Variants in IP6K1 observed in about 807,000 individuals in gnomAD.
The protein encoded by IP6K1 is ATP:1D-myo-inositol-hexakisphosphate phosphotransferase.
IP6K1 carries 13 observed loss-of-function variants against 38.3 expected under a neutral mutation model. The observed-to-expected ratio is 0.34, with a 90% confidence interval of 0.22 to 0.54. The LOEUF is 0.54. Among genes scored for constraint, IP6K1 ranks in the 20% least tolerant of loss-of-function variants. IP6K1 has a pLI of 0.92. For synonymous variants in IP6K1, 212 were observed against 229.9 expected (o/e 0.92, Z 0.70); for missense variants, 397 against 599.8 (o/e 0.66, Z 3.53).
intron 1 of IP6K1, among the ~76,000 whole-genome samples, chr3:49,752,841 C>A (rs927272654): frequency 9.2e-5 from 14 of 151,616 alleles, no homozygotes; most frequent in African/African-American, 3.4e-4. Flanking sequence ...GCAACCTCCA[C>A]CTCCTGGGTT....
At position 49,726,728 on chromosome 3, in the gene IP6K1, G is replaced by A. The variant is rs1000459649; in HGVS notation, c.*394C>T. 7 of 272,426 alleles carry A rather than the reference G, an allele frequency of 2.6e-5. No homozygotes were observed. The highest frequency in any genetic ancestry group is 5.0e-5 in the Admixed American group (1 of 19,902). The allele number at this position is 272,426 out of a possible 1,614,324, so 16.9% of individuals were successfully genotyped here. A position where few individuals can be genotyped will look rare whatever the true frequency, so the allele number is the denominator to read the frequency against. On this transcript the variant is annotated 3_prime_UTR_variant, in exon 6 of 6. Coordinates refer to ENST00000321599, the MANE Select transcript of IP6K1 (RefSeq NM_153273.4). Reference sequence around the variant, plus strand: ...TCTGGGGAACAAGGGAAGAGTGGGCGTGGAGGGGCCCTGCACCAGCCCAGG... The same window carrying A: ...TCTGGGGAACAAGGGAAGAGTGGGCATGGAGGGGCCCTGCACCAGCCCAGG...
intron 1 of IP6K1, among the ~76,000 whole-genome samples, chr3:49,780,306 T>TCACACACA (rs1405695613): frequency 3.7e-4 from 4 of 10,852 alleles, no homozygotes; most frequent in Admixed American, 1.3e-3. Context: ...TTATCATCTT[T>TCACACACA]CATACACACA....
chr3:49,772,340 A>G (rs1390247342), intron 1 of IP6K1, among the ~76,000 whole-genome samples: 1 of 147,778 alleles, frequency 6.8e-6, no homozygotes, highest in Non-Finnish European at 1.5e-5. Flanking sequence ...TAGGAAGACT[A>G]TATAATATAT....
At chr3:49,766,530 G>C (rs1241276553) in intron 1 of IP6K1, among the ~76,000 whole-genome samples, 8 of 151,726 alleles carry the variant, frequency 5.3e-5, no homozygotes, top group Admixed American at 4.6e-4. Flanking sequence ...TGGGTGTGGT[G>C]GTGGGCACCT....
chr3:49,758,821 G>A (rs965663532), intron 1 of IP6K1, among the ~76,000 whole-genome samples: 5 of 152,044 alleles, frequency 3.3e-5, no homozygotes, highest in African/African-American at 9.7e-5. Flanking sequence ...TATAGCAGGT[G>A]TGGTGGCGCA....
chr3:49,770,124 A>G (rs1559714078), intron 1 of IP6K1, among the ~76,000 whole-genome samples: 1 of 152,156 alleles, frequency 6.6e-6, no homozygotes, highest in Non-Finnish European at 1.5e-5. Flanking sequence ...ACTCAAGCCC[A>G]GGAGGCCAGG....
intron 3 of IP6K1, 86 bp downstream of exon 3, chr3:49,738,126 T>G: frequency 2.7e-6 from 3 of 1,107,992 alleles, no homozygotes; most frequent in East Asian, 2.4e-5. Flanking sequence ...CAACCTTGAC[T>G]GTGAGCCCTG....
intron 1 of IP6K1, among the ~76,000 whole-genome samples, chr3:49,781,219 G>A (rs1374259993): frequency 1.3e-5 from 2 of 151,972 alleles, no homozygotes; most frequent in African/African-American, 4.8e-5. Flanking sequence ...CCGCCACCAC[G>A]CCTGACTAAT....
chr3:49,755,096 CTT>C (rs559780072), intron 1 of IP6K1, among the ~76,000 whole-genome samples: 1 of 111,936 alleles, frequency 8.9e-6, no homozygotes, highest in Non-Finnish European at 1.9e-5. Context: ...CCAAGCCTGG[CTT>C]TTTTTTTTTT....
intron 1 of IP6K1, among the ~76,000 whole-genome samples, chr3:49,754,343 T>G (rs1380277355): frequency 2.0e-5 from 3 of 150,178 alleles, no homozygotes; most frequent in Admixed American, 6.7e-5. Flanking sequence ...GCCACAGCAC[T>G]CCAGCCTGGG....
intron 1 of IP6K1, among the ~76,000 whole-genome samples, chr3:49,763,786 C>T (rs968493378): frequency 5.9e-5 from 9 of 151,628 alleles, no homozygotes; most frequent in South Asian, 2.1e-4. Context: ...GAGGCTGAGG[C>T]GGGAGGATCA....
chr3:49,731,015 T>C (rs911101917), intron 4 of IP6K1, among the ~76,000 whole-genome samples: 6 of 151,812 alleles, frequency 4.0e-5, no homozygotes, highest in African/African-American at 1.5e-4. Context: ...ATTTCTGTCT[T>C]GCCATTTGTC....
chr3:49,746,337 T>C (rs1350790682), intron 2 of IP6K1, among the ~76,000 whole-genome samples: 1 of 149,428 alleles, frequency 6.7e-6, no homozygotes, highest in South Asian at 2.2e-4. Context: ...ATAAACAAAA[T>C]GTGGTATACA....
At chr3:49,776,268 G>A (rs999203198) in intron 1 of IP6K1, among the ~76,000 whole-genome samples, 1 of 152,070 alleles carries the variant, frequency 6.6e-6, no homozygotes, top group African/African-American at 2.4e-5. Flanking sequence ...TGTAATCCCA[G>A]CACTTTGGGA....
At chr3:49,785,132 C>T (rs1466782006) in intron 1 of IP6K1, among the ~76,000 whole-genome samples, 1 of 152,192 alleles carries the variant, frequency 6.6e-6, no homozygotes, top group African/African-American at 2.4e-5. Flanking sequence ...GCACACTCTA[C>T]TGAGGATCTC....
chr3:49,741,578 A>G (rs2080669304), intron 2 of IP6K1, among the ~76,000 whole-genome samples: 1 of 152,250 alleles, frequency 6.6e-6, no homozygotes, highest in African/African-American at 2.4e-5. Context: ...AGGCTGCTAA[A>G]TAAGAACAAA....
chr3:49,761,402 G>C (rs1408320816), intron 1 of IP6K1, among the ~76,000 whole-genome samples: 3 of 151,858 alleles, frequency 2.0e-5, no homozygotes, highest in Non-Finnish European at 4.4e-5. Context: ...CGAGGCGGGC[G>C]GATCACGAGG....
chr3:49,738,479 C>T, intron 2 of IP6K1, 57 bp from the exon 3 acceptor site: 1 of 1,383,088 alleles, frequency 7.2e-7, no homozygotes, highest in Non-Finnish European at 1.0e-6. Context: ...GTCTATGCAG[C>T]ACAGACTGTT....
chr3:49,731,603 T>C (rs1377908360), intron 4 of IP6K1, among the ~76,000 whole-genome samples: 1 of 152,078 alleles, frequency 6.6e-6, no homozygotes, highest in Non-Finnish European at 1.5e-5. Context: ...ATGATGAGAG[T>C]TCCTTCCTCA....
Sources: allele counts gnomAD v4.1 joint callset (sites outside exome capture counted in the v4.1 genomes callset), GRCh38; gene constraint gnomAD v4.1.1; transcripts MANE v1.5; gene names NCBI Gene and HGNC (gene_info 2026-07-23, HGNC 2026-07-21).